Variants in PARVB observed in about 807,000 individuals in gnomAD.
PARVB encodes parvin beta.
Under a neutral mutation model 47.0 loss-of-function variants are expected in PARVB, and 46 were observed. The observed-to-expected ratio is 0.98, with a 90% CI of 0.77 to 1.25. PARVB has a LOEUF of 1.25. PARVB is among the 50% of genes most tolerant of loss of function. The probability of loss-of-function intolerance (pLI) is 0.00; values close to 1 mark genes in which losing one functional copy is unlikely to be tolerated. For missense variants in PARVB, 473 were observed against 471.6 expected (o/e 1.00, Z -0.03); for synonymous variants, 196 against 196.3 (o/e 1.00, Z 0.01).
chr22:44,030,902 G>A (rs1038643155), intron 1 of PARVB, among the ~76,000 whole-genome samples: 3 of 152,070 alleles, frequency 2.0e-5, no homozygotes, highest in Non-Finnish European at 2.9e-5. Flanking sequence ...GAAGGCCAGC[G>A]GGCCTCCTAG....
intron 10 of PARVB, among the ~76,000 whole-genome samples, chr22:44,157,370 G>C (rs2053958751): frequency 1.3e-5 from 2 of 152,272 alleles, no homozygotes; most frequent in Admixed American, 6.5e-5. Flanking sequence ...CAGGAGTGGG[G>C]GACAGTTCCA....
exon 1 of PARVB, chr22:43,999,218 C>T: frequency 1.3e-6 from 1 of 741,030 alleles, no homozygotes; most frequent in Non-Finnish European, 2.2e-6. Context: ...CTGCAAAGGC[C>T]CTACACTTTG....
At chr22:44,016,916 C>T (rs1420368537) in intron 2 of PARVB, among the ~76,000 whole-genome samples, 2 of 152,090 alleles carry the variant, frequency 1.3e-5, no homozygotes, top group African/African-American at 4.8e-5. Flanking sequence ...ACTCTTGTTG[C>T]CCAGGCTGGA....
intron 4 of PARVB, among the ~76,000 whole-genome samples, chr22:44,128,639 A>C (rs947025433): frequency 2.0e-5 from 3 of 152,106 alleles, no homozygotes; most frequent in Non-Finnish European, 4.4e-5. Flanking sequence ...ACCTCATTTT[A>C]CCTTAACTGC....
chr22:44,042,787 AATT>A (rs1427934284), intron 1 of PARVB, among the ~76,000 whole-genome samples: 1 of 152,096 alleles, frequency 6.6e-6, no homozygotes, highest in African/African-American at 2.4e-5. Flanking sequence ...ATGTTTCTAC[AATT>A]ATTATTTAGT....
rs2054229647 is a variant in PARVB at position 44,168,732 on chromosome 22, T to A, written c.*54T>A. ...GTCCCAGCAAGAAAGGCGGCATCCG[T>A]CTGTGCCCTGTGCCTTTCCAGGGAG... On this transcript the variant is annotated 3_prime_UTR_variant, in exon 13 of 13. Transcript: ENST00000338758. 5.5e-6 allele frequency: 7 copies of A among 1,271,958 alleles called. No individual in the cohort carries two copies. Among genetic ancestry groups the A allele is most frequent in the Admixed American group, 1.7e-5 (1 of 59,362 alleles). 78.8% of individuals were successfully genotyped at this position (1,271,958 alleles called of 1,614,324 possible).
chr22:44,082,284 C>A (rs1018136611), intron 1 of PARVB, among the ~76,000 whole-genome samples: 3 of 152,038 alleles, frequency 2.0e-5, no homozygotes, highest in Non-Finnish European at 4.4e-5. Context: ...TTTGGGAGGC[C>A]GAGGCAGGTG....
intron 2 of PARVB, among the ~76,000 whole-genome samples, 196 bp downstream of exon 2, chr22:44,094,213 T>C (rs1037695697): frequency 6.6e-6 from 1 of 152,212 alleles, no homozygotes; most frequent in Non-Finnish European, 1.5e-5. Flanking sequence ...TCATTAAGGG[T>C]TTCTGCCCTA....
At chr22:44,122,142 T>TA (rs946009775) in intron 4 of PARVB, among the ~76,000 whole-genome samples, 9 of 152,220 alleles carry the variant, frequency 5.9e-5, no homozygotes, top group Non-Finnish European at 4.4e-5. Flanking sequence ...ATATTACTTT[T>TA]AAAAATGTAA....
chr22:44,167,694 CG>C (rs2147195911), intron 12 of PARVB, among the ~76,000 whole-genome samples: 1 of 60,268 alleles, frequency 1.7e-5, no homozygotes, highest in South Asian at 7.6e-4. Context: ...GACAGAGCCC[CG>C]GGTGTGTCCC....
At chr22:44,055,678 C>CTCTCTCTCTCTATATATATATATA (rs1438284048) in intron 1 of PARVB, among the ~76,000 whole-genome samples, 22 of 142,676 alleles carry the variant, frequency 1.5e-4, no homozygotes, top group African/African-American at 5.8e-4. Context: ...CTCTCTCTCT[C>CTCTCTCTCTCTATATATATATATA]TATATATATA....
At chr22:44,160,630 G>C (rs187778087) in intron 11 of PARVB, among the ~76,000 whole-genome samples, 36 of 152,302 alleles carry the variant, frequency 2.4e-4, no homozygotes, top group Non-Finnish European at 5.9e-5. Context: ...TGGCATGAAA[G>C]AGGGCTGGGG....
intron 12 of PARVB, among the ~76,000 whole-genome samples, chr22:44,166,713 C>T (rs1005162414): frequency 1.2e-4 from 18 of 152,256 alleles, no homozygotes; most frequent in African/African-American, 2.9e-4. Flanking sequence ...TTAGCACCTT[C>T]GCTGGGCCAG....
intron 4 of PARVB, among the ~76,000 whole-genome samples, chr22:44,127,399 C>G (rs893799270): frequency 6.6e-6 from 1 of 152,322 alleles, no homozygotes; most frequent in Admixed American, 6.5e-5. Flanking sequence ...TGATGTGATA[C>G]TACTGATGTG....
At chr22:44,000,924 A>C (rs117888954) in intron 2 of PARVB, among the ~76,000 whole-genome samples, 1 of 152,216 alleles carries the variant, frequency 6.6e-6, no homozygotes, top group African/African-American at 2.4e-5. Flanking sequence ...ACATCTTCCA[A>C]ATGTCAACAT....
chr22:44,049,577 G>A lies in PARVB; in HGVS notation c.112+25126G>A, dbSNP rs1270013203. On this transcript the variant is annotated intron_variant, in intron 1 of 12. Coordinates refer to ENST00000338758, the MANE Select transcript of PARVB (RefSeq NM_013327.5). This position sits in a 1 kb window ranked among gnomAD's most constrained non-coding sequence, Gnocchi z 4.0. The stretch of plus-strand genomic sequence containing the variant: ...CAATCAGATTCCTCCAGCGATAAAA[G>A]GCCTGCTGAGGAAGCGGCCCCACTC... 6.6e-6 allele frequency among the ~76,000 whole-genome samples: 1 copy of A among 152,192 alleles called. No individual in the cohort carries two copies. Among genetic ancestry groups the A allele is most frequent in the African/African-American group, 2.4e-5 (1 of 41,450 alleles).
chr22:44,172,817 A>C lies in PARVB; in HGVS notation c.*4139A>C. 1 of 451,764 alleles carries C rather than the reference A, an allele frequency of 2.2e-6. No individual in the cohort carries two copies. The highest frequency in any genetic ancestry group is 3.6e-6 in the Non-Finnish European group (1 of 275,138). The allele number at this position is 451,764 out of a possible 1,614,324, so 28.0% of individuals were successfully genotyped here. A position where few individuals can be genotyped will look rare whatever the true frequency, so the allele number is the denominator to read the frequency against. ...CCCACCTGGCTGAGTGCAGGAAGCA[A>C]GCGCTTTTCAGGAGCTCACTGCAAC... On this transcript the variant is annotated 3_prime_UTR_variant, in exon 13 of 13. Transcript: ENST00000338758.
At chr22:44,059,672 T>G (rs936482095) in intron 1 of PARVB, among the ~76,000 whole-genome samples, 1 of 152,136 alleles carries the variant, frequency 6.6e-6, no homozygotes, top group Non-Finnish European at 1.5e-5. Context: ...AATGTGAATG[T>G]TGGGTGTACA....
rs191491462 is a variant in PARVB at position 44,036,627 on chromosome 22, G to C, written c.112+12176G>C. ...AACCTGTGTTTTTCAAGAGTCAACT[G>C]TAATGTCTTTCAAAGTAAAATCTAA... On this transcript the variant is annotated intron_variant, in intron 1 of 12. Coordinates refer to ENST00000338758, the MANE Select transcript of PARVB (RefSeq NM_013327.5). 5.9e-5 allele frequency among the ~76,000 whole-genome samples: 9 copies of C among 152,252 alleles called. No homozygotes were observed. In the East Asian group the frequency reaches 1.2e-3, roughly 20 times the overall value.
Sources: gnomAD v4.1 joint callset for allele counts (sites outside exome capture counted in the v4.1 genomes callset) on GRCh38, gnomAD v4.1.1 for gene constraint, Gnocchi (gnomAD v3.1) non-coding constraint, MANE v1.5 for transcripts, NCBI Gene and HGNC (gene_info 2026-07-23, HGNC 2026-07-21) for gene names.